The following CACNA2D2 variants were observed in gnomAD, a reference collection of about 807,000 sequenced individuals.
CACNA2D2 encodes voltage-dependent calcium channel subunit alpha-2/delta-2.
Under a neutral mutation model 166.4 loss-of-function variants are expected in CACNA2D2, and 48 were observed. That is an observed-to-expected ratio of 0.29 (90% CI 0.23 to 0.37). The LOEUF (loss-of-function observed/expected upper bound fraction) is 0.37. Among genes scored for constraint, CACNA2D2 ranks in the 10% least tolerant of loss-of-function variants. CACNA2D2 has a pLI of 1.00. For missense variants in CACNA2D2, 1,122 were observed against 1,433.0 expected, an observed-to-expected ratio of 0.78 and a Z score of 3.50; for synonymous variants, 561 against 573.7, an observed-to-expected ratio of 0.98 and a Z score of 0.32.
chr3:50,367,787 C>T lies in CACNA2D2; in HGVS notation c.2234+25G>A. On this transcript the variant is annotated intron_variant, in intron 25 of 37. Transcript: ENST00000424201. This position sits in a 1 kb window ranked among gnomAD's most constrained non-coding sequence, Gnocchi z 6.5. ...CCTCTGGGCCCATCCTAGCCTTCTG[C>T]CCCCACAGGCTGGGTGATGCCTACG... The T allele has an allele frequency of 1.2e-6, 2 of 1,611,584 alleles. No individual in the cohort carries two copies. The highest frequency in any genetic ancestry group is 8.5e-7 in the Non-Finnish European group (1 of 1,178,138).
intron 2 of CACNA2D2, among the ~76,000 whole-genome samples, chr3:50,457,201 A>T (rs750624009): frequency 6.6e-6 from 1 of 152,092 alleles, no homozygotes; most frequent in Non-Finnish European, 1.5e-5. Flanking sequence ...AGTGAGCCGA[A>T]ATTGCACCAC....
chr3:50,472,592 T>C (rs555568877), intron 2 of CACNA2D2, among the ~76,000 whole-genome samples: 149 of 147,246 alleles, frequency 1.0e-3, no homozygotes, highest in Non-Finnish European at 1.3e-3. Context: ...AGCCAACTGA[T>C]TCTTCATCAT....
chr3:50,457,285 CAAAA>C (rs1709402763), intron 2 of CACNA2D2, among the ~76,000 whole-genome samples: 1 of 151,980 alleles, frequency 6.6e-6, no homozygotes, highest in South Asian at 2.1e-4. Context: ...AACAAACAAA[CAAAA>C]ACGACAGACT....
At chr3:50,467,068 G>A (rs1305850559) in intron 2 of CACNA2D2, among the ~76,000 whole-genome samples, 4 of 152,162 alleles carry the variant, frequency 2.6e-5, no homozygotes, top group Non-Finnish European at 5.9e-5. Flanking sequence ...TCTAGTGAGA[G>A]TGAAGGGGAG....
intron 23 of CACNA2D2, 90 bp from the exon 24 acceptor site, chr3:50,368,325 C>A: frequency 1.2e-6 from 1 of 809,510 alleles, no homozygotes; most frequent in Non-Finnish European, 2.2e-6. Flanking sequence ...CTTGGCCATT[C>A]ACTGAGAAGC....
At chr3:50,438,620 C>A (rs1413352034) in intron 2 of CACNA2D2, among the ~76,000 whole-genome samples, 1 of 152,180 alleles carries the variant, frequency 6.6e-6, no homozygotes, top group Non-Finnish European at 1.5e-5. Flanking sequence ...ACAGAGCTGC[C>A]TGGGAGAGAG....
At position 50,433,908 on chromosome 3, in the gene CACNA2D2, G is replaced by A. The variant is rs115458738; in HGVS notation, c.405+405C>T. ...CCCCCTCGACACTCCCTCCAAGAGA[G>A]CCTGCAGCCTACCTCAGGGGCAAAC... On this transcript the variant is annotated intron_variant, in intron 3 of 37. Transcript: ENST00000424201. Among the ~76,000 whole-genome samples the A allele has an allele frequency of 5.5e-3, 842 of 152,290 alleles. 9 individuals are homozygous for A. Among genetic ancestry groups the A allele is most frequent in the South Asian group, 0.04 (195 of 4,820 alleles).
chr3:50,367,724 G>C lies in CACNA2D2; in HGVS notation c.2235-20C>G. 1.2e-6 allele frequency: 2 copies of C among 1,612,030 alleles called. No homozygotes were observed. The highest frequency in any genetic ancestry group is 1.7e-6 in the Non-Finnish European group (2 of 1,178,776). On this transcript the variant is annotated intron_variant, in intron 25 of 37. Transcript: ENST00000424201. This position sits in a 1 kb window ranked among gnomAD's most constrained non-coding sequence, Gnocchi z 6.5. ...CTGTACCTGGGGGTAGCAGGGGGGT[G>C]GGGTCACAGGCCTGCCTTCTGCTGG...
chr3:50,403,584 C>G (rs1002675018), intron 3 of CACNA2D2, among the ~76,000 whole-genome samples: 3 of 152,286 alleles, frequency 2.0e-5, no homozygotes, highest in East Asian at 1.9e-4. Flanking sequence ...ATCATGAACT[C>G]ATCTGCCCCA....
intron 2 of CACNA2D2, among the ~76,000 whole-genome samples, chr3:50,465,024 C>G (rs1709768544): frequency 6.6e-6 from 1 of 152,220 alleles, no homozygotes; most frequent in Non-Finnish European, 1.5e-5. Flanking sequence ...CTGTTCTGAA[C>G]ATAAATCTAC....
chr3:50,486,283 C>T (rs964394577), intron 1 of CACNA2D2, among the ~76,000 whole-genome samples: 2 of 152,140 alleles, frequency 1.3e-5, no homozygotes, highest in Non-Finnish European at 2.9e-5. Context: ...GTTCCTGCCC[C>T]ACACCAGGAG....
At position 50,449,161 on chromosome 3, in the gene CACNA2D2, G is replaced by A. The variant is rs183572597; in HGVS notation, c.289-14732C>T. 3.2e-4 allele frequency among the ~76,000 whole-genome samples: 48 copies of A among 152,326 alleles called. No homozygotes were observed. In the East Asian group the frequency reaches 9.1e-3, roughly 29 times the overall value. ...ATCACTGAACTCCTAAGGTAGATTC[G>A]TTGAAGCCAAGAGAGGAACAAACCC... On this transcript the variant is annotated intron_variant, in intron 2 of 37. Coordinates refer to ENST00000424201, the MANE Select transcript of CACNA2D2 (RefSeq NM_006030.4).
At chr3:50,405,190 G>A (rs182953620) in intron 3 of CACNA2D2, among the ~76,000 whole-genome samples, 1 of 152,282 alleles carries the variant, frequency 6.6e-6, no homozygotes, top group Admixed American at 6.5e-5. Flanking sequence ...GGGAGGTGGG[G>A]ACAAAAGGGC....
intron 2 of CACNA2D2, among the ~76,000 whole-genome samples, chr3:50,472,775 C>T (rs1710152675): frequency 6.6e-6 from 1 of 152,160 alleles, no homozygotes; most frequent in South Asian, 2.1e-4. Context: ...CACCCCCATT[C>T]CCCATGCACC....
chr3:50,485,102 A>G (rs968045685), intron 1 of CACNA2D2, among the ~76,000 whole-genome samples: 1 of 152,230 alleles, frequency 6.6e-6, no homozygotes, highest in Non-Finnish European at 1.5e-5. Flanking sequence ...TAGAGCAGCC[A>G]CTTCTTCCAG....
chr3:50,405,782 G>T (rs568265826), intron 3 of CACNA2D2, among the ~76,000 whole-genome samples: 1 of 152,298 alleles, frequency 6.6e-6, no homozygotes, highest in East Asian at 1.9e-4. Context: ...TCAGGCCACT[G>T]TACCATTAGG....
At chr3:50,396,653 C>T (rs568246503) in intron 3 of CACNA2D2, among the ~76,000 whole-genome samples, 5 of 152,276 alleles carry the variant, frequency 3.3e-5, no homozygotes, top group East Asian at 1.9e-4. Flanking sequence ...CAGTGTTAGG[C>T]GAGCACCTGC....
In CACNA2D2 at chr3:50,365,768, C is replaced by T; in HGVS notation, c.2915+42G>A. 1 of 1,612,540 alleles carries T rather than the reference C, an allele frequency of 6.2e-7. No individual in the cohort carries two copies. The highest frequency in any genetic ancestry group is 2.2e-5 in the East Asian group (1 of 44,858). ...CTACTTCTCTTCTGAGCCCTCCCGGCCAGGGAGCACCTTCTCTACCCACCT... is the reference window on the plus strand; with the variant it reads ...CTACTTCTCTTCTGAGCCCTCCCGGTCAGGGAGCACCTTCTCTACCCACCT... On this transcript the variant is annotated intron_variant, in intron 33 of 37. Coordinates refer to ENST00000424201, the MANE Select transcript of CACNA2D2 (RefSeq NM_006030.4). The surrounding 1 kb of genome is among the most constrained non-coding windows in gnomAD (Gnocchi z 4.5).
At chr3:50,458,170 G>C (rs915526468) in intron 2 of CACNA2D2, among the ~76,000 whole-genome samples, 6 of 152,222 alleles carry the variant, frequency 3.9e-5, no homozygotes, top group African/African-American at 1.4e-4. Context: ...GCCCTTCCCC[G>C]CTGCTGGCTG....
Sources: allele counts gnomAD v4.1 joint callset (sites outside exome capture counted in the v4.1 genomes callset), GRCh38; gene constraint gnomAD v4.1.1; non-coding constraint Gnocchi (gnomAD v3.1); transcripts MANE v1.5; gene names NCBI Gene and HGNC (gene_info 2026-07-23, HGNC 2026-07-21).